The following IFT56 variants were observed in gnomAD, a reference collection of about 807,000 sequenced individuals.
IFT56 encodes intraflagellar transport protein 56.
At chr7:139,182,221 C>T in the IFT56 span, among the ~76,000 whole-genome samples, 1 of 151,940 alleles carries the variant, frequency 6.6e-6, no homozygotes, top group Admixed American at 6.6e-5. Context: ...TTTGGAATAT[C>T]TCTTCCAAAA....
At chr7:139,134,824 A>G in the IFT56 span, 8 of 1,605,124 alleles carry the variant, frequency 5.0e-6, 1 homozygote, top group East Asian at 8.9e-5. Context: ...TTCTTAGTGT[A>G]TGAATACCAG....
At chr7:139,148,891 ACT>A in the IFT56 span, among the ~76,000 whole-genome samples, 1 of 151,586 alleles carries the variant, frequency 6.6e-6, no homozygotes, top group African/African-American at 2.4e-5. Flanking sequence ...ACAGAGCGAG[ACT>A]CTGTCTCAAA....
the IFT56 span, chr7:139,142,365 C>T: frequency 2.8e-6 from 4 of 1,420,156 alleles, no homozygotes; most frequent in Non-Finnish European, 3.9e-6. Flanking sequence ...TTTCTTCCTT[C>T]TTGTTACTAA....
chr7:139,137,724 A>C, the IFT56 span: 4 of 667,636 alleles, frequency 6.0e-6, no homozygotes, highest in African/African-American at 7.3e-5. Context: ...ATTAAACCTC[A>C]TATTGTCATG....
chr7:139,177,613 T>A, the IFT56 span, among the ~76,000 whole-genome samples: 1,598 of 147,110 alleles, frequency 0.011, 13 homozygotes, highest in Non-Finnish European at 0.015. Context: ...ATATATATAG[T>A]GTGTGTGTGT....
the IFT56 span, among the ~76,000 whole-genome samples, chr7:139,146,597 C>T: frequency 1.3e-5 from 2 of 152,044 alleles, no homozygotes; most frequent in East Asian, 3.9e-4. Flanking sequence ...GAAACCCCAT[C>T]TCTACCAAAG....
the IFT56 span, among the ~76,000 whole-genome samples, chr7:139,159,417 G>A: frequency 0.21 from 31,829 of 151,966 alleles, 5,585 homozygotes; most frequent in African/African-American, 0.44. Context: ...TTATATAACT[G>A]TTTTTTTATT....
At chr7:139,164,684 G>A in the IFT56 span, among the ~76,000 whole-genome samples, 1 of 151,960 alleles carries the variant, frequency 6.6e-6, no homozygotes, top group African/African-American at 2.4e-5. Flanking sequence ...CGCAGTTCTC[G>A]GGGCTAGGAA....
At chr7:139,166,701 A>G in the IFT56 span, 6 of 494,460 alleles carry the variant, frequency 1.2e-5, no homozygotes, top group Non-Finnish European at 3.8e-6. Flanking sequence ...AACACCGAAC[A>G]TGGAGAGTTA....
At chr7:139,152,001 C>T in the IFT56 span, among the ~76,000 whole-genome samples, 1 of 152,184 alleles carries the variant, frequency 6.6e-6, no homozygotes, top group African/African-American at 2.4e-5. Flanking sequence ...GCAGAGGTTG[C>T]AGTGAGCTGA....
the IFT56 span, chr7:139,189,255 GTTTA>G: frequency 8.1e-7 from 1 of 1,239,114 alleles, no homozygotes; most frequent in East Asian, 2.3e-5. Flanking sequence ...ACAGTTCAGA[GTTTA>G]TTTTATTTTT....
the IFT56 span, among the ~76,000 whole-genome samples, chr7:139,180,708 CA>C: frequency 4.1e-4 from 54 of 131,764 alleles, no homozygotes; most frequent in Non-Finnish European, 5.5e-4. Flanking sequence ...GACTCTGTCT[CA>C]AAAAAAAAAA....
chr7:139,184,684 G>A, the IFT56 span, among the ~76,000 whole-genome samples: 4 of 152,130 alleles, frequency 2.6e-5, no homozygotes, highest in African/African-American at 9.7e-5. Flanking sequence ...CAAGGCAGGA[G>A]GATTGCTTAA....
At chr7:139,139,856 C>T in the IFT56 span, 5 of 1,470,164 alleles carry the variant, frequency 3.4e-6, no homozygotes, top group Non-Finnish European at 3.8e-6. Context: ...TGCTTTGCTG[C>T]CAAAATGAGA....
the IFT56 span, chr7:139,146,936 CG>C: frequency 2.8e-6 from 4 of 1,448,496 alleles, no homozygotes; most frequent in Admixed American, 6.1e-5. Context: ...TTTCCATTGT[CG>C]TTGTCAAGCT....
the IFT56 span, chr7:139,168,569 CAAA>C: frequency 5.0e-5 from 19 of 379,348 alleles, no homozygotes; most frequent in South Asian, 1.4e-4. Flanking sequence ...TATTTAGAGA[CAAA>C]AAAAAAAAAC....
chr7:139,174,449 C>T, the IFT56 span, among the ~76,000 whole-genome samples: 2 of 152,112 alleles, frequency 1.3e-5, no homozygotes. Flanking sequence ...CGTGTGTGAG[C>T]AGCCTGGCCC....
the IFT56 span, among the ~76,000 whole-genome samples, chr7:139,145,509 C>G: frequency 6.6e-6 from 1 of 152,068 alleles, no homozygotes; most frequent in Non-Finnish European, 1.5e-5. Flanking sequence ...ACTGTAACCT[C>G]TGCCTCCCAG....
the IFT56 span, among the ~76,000 whole-genome samples, chr7:139,172,129 CAAA>C: frequency 2.5e-5 from 2 of 81,056 alleles, no homozygotes. Context: ...AACCAATTTG[CAAA>C]AAAAAAAAAA....
Sources: gnomAD v4.1 joint callset for allele counts (sites outside exome capture counted in the v4.1 genomes callset) on GRCh38, gnomAD v4.1.1 for gene constraint, MANE v1.5 for transcripts, NCBI Gene and HGNC (gene_info 2026-07-23, HGNC 2026-07-21) for gene names.